Variants in TMEM131L observed in about 807,000 individuals in gnomAD.
TMEM131L encodes transmembrane protein 131-like.
TMEM131L carries 54 observed loss-of-function variants against 192.2 expected under a neutral mutation model. That is an observed-to-expected ratio of 0.28 (90% CI 0.23 to 0.35). The LOEUF (loss-of-function observed/expected upper bound fraction) is 0.35, where lower values mean the gene tolerates loss of function less well. Among genes scored for constraint, TMEM131L ranks in the 10% least tolerant of loss-of-function variants. TMEM131L has a pLI of 1.00. For synonymous variants in TMEM131L, 701 were observed against 704.9 expected (o/e 0.99, Z 0.09); for missense variants, 1,888 against 1,972.9 (o/e 0.96, Z 0.82).
chr4:153,609,379 C>G (rs1301858940), intron 25 of TMEM131L, among the ~76,000 whole-genome samples: 1 of 152,114 alleles, frequency 6.6e-6, no homozygotes, highest in Non-Finnish European at 1.5e-5. Flanking sequence ...AGAAGTCAGC[C>G]CCCATGATCC....
intron 13 of TMEM131L, 127 bp downstream of exon 13, chr4:153,585,738 A>G: frequency 1.8e-6 from 1 of 557,726 alleles, no homozygotes; most frequent in Non-Finnish European, 2.7e-6. Flanking sequence ...TATTTATATA[A>G]AATTTTATGA....
chr4:153,620,614 A>AC (rs1423029184), intron 26 of TMEM131L, 142 bp from the exon 27 acceptor site: 1 of 430,194 alleles, frequency 2.3e-6, no homozygotes, highest in African/African-American at 2.1e-5. Context: ...ATGAAAACAA[A>AC]CTAGAGGCTG....
In TMEM131L at chr4:153,558,291, G is replaced by A. The variant is rs1180830671; in HGVS notation, c.583G>A (p.Glu195Lys). ...AATTGGCACTCGTAGAATCTCTACA[G>A]AAGGGTCTGCAAAGCAGCTACCAAA... ...SGIGTRRISTEGSAKQLPNAY... is the reference protein window; with the variant it reads ...SGIGTRRISTKGSAKQLPNAY... Residue 195 changes from glutamate to lysine, a missense_variant, in exon 7 of 35, where the codon GAA (glutamate) becomes AAA (lysine). Coordinates refer to ENST00000409959, the MANE Select transcript of TMEM131L (RefSeq NM_001131007.2). 3 of 1,608,254 alleles carry A rather than the reference G, an allele frequency of 1.9e-6. No homozygotes were observed. Among genetic ancestry groups the A allele is most frequent in the African/African-American group, 1.3e-5 (1 of 74,852 alleles).
intron 31 of TMEM131L, among the ~76,000 whole-genome samples, chr4:153,630,691 C>T (rs1000627683): frequency 6.6e-6 from 1 of 152,164 alleles, no homozygotes; most frequent in Non-Finnish European, 1.5e-5. Context: ...TGATTACTGC[C>T]CATAGGATGT....
chr4:153,497,568 T>C (rs554944757), intron 3 of TMEM131L, among the ~76,000 whole-genome samples: 7 of 152,194 alleles, frequency 4.6e-5, no homozygotes, highest in Non-Finnish European at 1.0e-4. Flanking sequence ...AATTAGGTCT[T>C]ACATTTTATG....
intron 3 of TMEM131L, among the ~76,000 whole-genome samples, chr4:153,498,779 A>G (rs1439372603): frequency 1.3e-5 from 2 of 152,212 alleles, no homozygotes; most frequent in African/African-American, 2.4e-5. Flanking sequence ...ACTAGTAGTT[A>G]GGAGCTGGAA....
intron 20 of TMEM131L, 120 bp downstream of exon 20, chr4:153,596,505 G>T (rs1020469445): frequency 2.4e-6 from 3 of 1,242,960 alleles, no homozygotes; most frequent in Middle Eastern, 2.4e-4. Context: ...GCTGTGTTGC[G>T]GGGTAGGAAG....
chr4:153,590,671 T>C (rs1039519795), intron 16 of TMEM131L, among the ~76,000 whole-genome samples: 10 of 152,254 alleles, frequency 6.6e-5, no homozygotes, highest in African/African-American at 2.2e-4. Flanking sequence ...TGGCAGATTT[T>C]TTTTTTCTAA....
chr4:153,578,639 G>A (rs1185649522), intron 7 of TMEM131L, among the ~76,000 whole-genome samples: 9 of 151,648 alleles, frequency 5.9e-5, no homozygotes, highest in Non-Finnish European at 1.3e-4. Context: ...TCCTGCCTCA[G>A]CCTCCCGAGT....
rs182373999 is a variant in TMEM131L at position 153,609,333 on chromosome 4, G to A, written c.3419-2919G>A. ...ACACACTTTTAAACAACTAAATCTC[G>A]TGAGAACTCTCTCACTATCATGAGA... On this transcript the variant is annotated intron_variant, in intron 25 of 34. Coordinates refer to ENST00000409959, the MANE Select transcript of TMEM131L (RefSeq NM_001131007.2). Among the ~76,000 whole-genome samples the A allele has an allele frequency of 5.8e-4, 88 of 152,174 alleles. 1 individual carries two copies. In the Middle Eastern group the frequency reaches 0.021, roughly 36 times the overall value.
chr4:153,485,020 G>T (rs1352955051), intron 3 of TMEM131L, among the ~76,000 whole-genome samples: 1 of 149,566 alleles, frequency 6.7e-6, no homozygotes, highest in Non-Finnish European at 1.5e-5. Flanking sequence ...TTGGGAGGCT[G>T]AGGCAGGAGA....
intron 25 of TMEM131L, among the ~76,000 whole-genome samples, chr4:153,610,680 C>A (rs1308447171): frequency 6.6e-6 from 1 of 152,100 alleles, no homozygotes; most frequent in African/African-American, 2.4e-5. Context: ...ATGTATCTTG[C>A]TTTGAGTGAG....
At position 153,580,894 on chromosome 4, in the gene TMEM131L, G is replaced by C. The variant is rs748362634; in HGVS notation, c.729G>C (p.Gln243His). 7 of 1,598,426 alleles carry C rather than the reference G, an allele frequency of 4.4e-6. No individual in the cohort carries two copies. In the East Asian group the frequency reaches 1.6e-4, roughly 36 times the overall value. The change falls in exon 8 of 35, where the codon CAG becomes CAC. Residue 243 changes from glutamine to histidine, a missense_variant. By Grantham distance (24) the Gln-to-His change is conservative. Transcript: ENST00000409959. ...LECSLHNKVC[Q>H]QLKGCYLESD... ...GCAGTTTACATAATAAAGTGTGTCA[G>C]CAATTAAAGGTAAAATAAAATGTGT...
At chr4:153,579,627 A>G (rs1337570353) in intron 7 of TMEM131L, among the ~76,000 whole-genome samples, 6 of 152,022 alleles carry the variant, frequency 3.9e-5, no homozygotes, top group African/African-American at 1.5e-4. Context: ...GCACATCACC[A>G]CGCCTGGCTA....
At chr4:153,486,092 G>A (rs542070274) in intron 3 of TMEM131L, among the ~76,000 whole-genome samples, 16 of 152,200 alleles carry the variant, frequency 1.1e-4, no homozygotes, top group Non-Finnish European at 1.6e-4. Context: ...CGAGATTAAC[G>A]GATGGAAGCA....
chr4:153,598,395 A>G (rs1731596808), intron 20 of TMEM131L, among the ~76,000 whole-genome samples, 195 bp from the exon 21 acceptor site: 1 of 152,214 alleles, frequency 6.6e-6, no homozygotes, highest in East Asian at 1.9e-4. Context: ...TGGCAGTGGC[A>G]GCTTTTCTTG....
At chr4:153,546,628 T>C (rs1257327945) in intron 3 of TMEM131L, among the ~76,000 whole-genome samples, 1 of 152,172 alleles carries the variant, frequency 6.6e-6, no homozygotes, top group Non-Finnish European at 1.5e-5. Flanking sequence ...ACTCCCCCAG[T>C]TTTTTAACAA....
At chr4:153,505,873 T>C (rs1733950319) in intron 3 of TMEM131L, among the ~76,000 whole-genome samples, 1 of 151,880 alleles carries the variant, frequency 6.6e-6, no homozygotes, top group Non-Finnish European at 1.5e-5. Flanking sequence ...TGAGTAAGAG[T>C]GTGCCCAGGG....
intron 15 of TMEM131L, among the ~76,000 whole-genome samples, chr4:153,588,539 G>A (rs571728024): frequency 1.2e-4 from 18 of 151,152 alleles, no homozygotes; most frequent in South Asian, 1.1e-3. Context: ...TGGAAGACTC[G>A]TTGATGATTA....
Sources: allele counts gnomAD v4.1 joint callset (sites outside exome capture counted in the v4.1 genomes callset), GRCh38; gene constraint gnomAD v4.1.1; transcripts MANE v1.5; gene names NCBI Gene and HGNC (gene_info 2026-07-23, HGNC 2026-07-21).